UNC13C: variants seen among roughly 807,000 people sequenced by gnomAD.
UNC13C encodes the protein protein unc-13 homolog C.
A neutral mutation model predicts 245.4 loss-of-function variants in UNC13C; 174 were observed. The observed-to-expected ratio is 0.71, with a 90% CI of 0.63 to 0.80. The LOEUF is 0.80. Among genes scored for constraint, UNC13C ranks in the 30% least tolerant of loss-of-function variants. The pLI is 0.00. For synonymous variants in UNC13C, 992 were observed against 895.1 expected (o/e 1.11, Z -1.93); for missense variants, 2,829 against 2,602.9 (o/e 1.09, Z -1.89).
At chr15:54,390,899 TTATGATAG>T (rs770933957) in intron 17 of UNC13C, among the ~76,000 whole-genome samples, 1 of 142,520 alleles carries the variant, frequency 7.0e-6, no homozygotes, top group Non-Finnish European at 1.6e-5. Flanking sequence ...AAAGCCTGGT[TTATGATAG>T]TATTGTGTGC....
intron 17 of UNC13C, among the ~76,000 whole-genome samples, chr15:54,362,435 A>G (rs1471757751): frequency 6.6e-6 from 1 of 152,180 alleles, no homozygotes; most frequent in Non-Finnish European, 1.5e-5. Flanking sequence ...TGTAGGCCCA[A>G]GAGATTTCTT....
chr15:53,919,962 A>G, the UNC13C span, among the ~76,000 whole-genome samples: 2 of 151,882 alleles, frequency 1.3e-5, no homozygotes, highest in East Asian at 3.9e-4. Flanking sequence ...TTTCCTATCC[A>G]TGTTTTTTTT....
rs183573934 is a variant in UNC13C, at chr15:54,178,533, C to A, written c.3071+34849C>A. ...TTTAATAAGTAGTTCCTAGAAACAG[C>A]TGTGGAAACGAAAAGGATTAAATAA... On this transcript the variant is annotated intron_variant, in intron 4 of 32. Transcript: ENST00000260323. Among the ~76,000 whole-genome samples the A allele has an allele frequency of 5.7e-4, 86 of 152,172 alleles. 1 individual carries two copies. The highest frequency in any genetic ancestry group is 2.1e-3 in the African/African-American group (86 of 41,518).
chr15:54,341,526 G>C (rs1451002265), intron 17 of UNC13C, among the ~76,000 whole-genome samples: 1 of 152,072 alleles, frequency 6.6e-6, no homozygotes, highest in Non-Finnish European at 1.5e-5. Context: ...GCATCACACA[G>C]TCTGTTCAGG....
chr15:54,597,295 C>G (rs530443658), intron 30 of UNC13C, among the ~76,000 whole-genome samples: 11 of 152,220 alleles, frequency 7.2e-5, no homozygotes, highest in Admixed American at 5.2e-4. Flanking sequence ...GACCACTGCT[C>G]AGGAAGGTAA....
intron 4 of UNC13C, among the ~76,000 whole-genome samples, chr15:54,160,549 T>C (rs2032932015): frequency 6.6e-6 from 1 of 151,958 alleles, no homozygotes; most frequent in Non-Finnish European, 1.5e-5. Context: ...TCTTTTTTGA[T>C]TTAGAAATAG....
chr15:54,141,671 A>T (rs540772626), intron 2 of UNC13C, among the ~76,000 whole-genome samples: 30 of 152,136 alleles, frequency 2.0e-4, no homozygotes, highest in Non-Finnish European at 3.5e-4. Context: ...CTTTGGGTAC[A>T]ATTTTCTTGA....
the UNC13C span, among the ~76,000 whole-genome samples, chr15:53,846,820 A>G: frequency 6.6e-6 from 1 of 152,160 alleles, no homozygotes; most frequent in Non-Finnish European, 1.5e-5. Flanking sequence ...TTTAGGTAGA[A>G]GCTTTAGTTA....
chr15:54,112,637 T>C (rs984564018), intron 2 of UNC13C, among the ~76,000 whole-genome samples: 1 of 152,230 alleles, frequency 6.6e-6, no homozygotes, highest in African/African-American at 2.4e-5. Flanking sequence ...AGCTTCCAGC[T>C]TGCTTATCTA....
intron 19 of UNC13C, among the ~76,000 whole-genome samples, chr15:54,443,318 C>T (rs780525522): frequency 2.4e-4 from 36 of 151,940 alleles, no homozygotes; most frequent in Non-Finnish European, 4.7e-4. Context: ...CTTGGTTCAT[C>T]AAGCTAATGG....
intron 29 of UNC13C, among the ~76,000 whole-genome samples, chr15:54,563,641 A>G (rs565513585): frequency 6.6e-6 from 1 of 152,136 alleles, no homozygotes; most frequent in African/African-American, 2.4e-5. Context: ...TTTAAACCCC[A>G]CATTTACAAA....
chr15:54,278,667 A>G (rs2036897719), intron 10 of UNC13C, among the ~76,000 whole-genome samples: 1 of 152,112 alleles, frequency 6.6e-6, no homozygotes. Flanking sequence ...TAAATGTAAT[A>G]TCTTTCTTAT....
At chr15:54,476,648 G>A (rs1378011073) in intron 19 of UNC13C, among the ~76,000 whole-genome samples, 1 of 151,754 alleles carries the variant, frequency 6.6e-6, no homozygotes, top group Non-Finnish European at 1.5e-5. Context: ...TGAGGGCTCT[G>A]TTCTGTTCCA....
upstream of UNC13C, among the ~76,000 whole-genome samples, chr15:53,975,583 T>G (rs1415607985): frequency 1.3e-5 from 2 of 152,222 alleles, no homozygotes; most frequent in Non-Finnish European, 2.9e-5. Context: ...CTCTATTGCT[T>G]AAAGCCAGAT....
At chr15:54,226,733 G>T (rs923009016) in intron 4 of UNC13C, among the ~76,000 whole-genome samples, 30 of 152,202 alleles carry the variant, frequency 2.0e-4, no homozygotes, top group African/African-American at 7.0e-4. Flanking sequence ...CCAGGCACCA[G>T]CACACATGTT....
At chr15:54,545,022 G>C (rs1896422649) in intron 26 of UNC13C, among the ~76,000 whole-genome samples, 1 of 152,126 alleles carries the variant, frequency 6.6e-6, no homozygotes, top group African/African-American at 2.4e-5. Flanking sequence ...ACAGCTGGAG[G>C]CATCATGCTA....
At chr15:54,036,560 C>A (rs17664583) in intron 2 of UNC13C, among the ~76,000 whole-genome samples, 1 of 152,168 alleles carries the variant, frequency 6.6e-6, no homozygotes, top group Non-Finnish European at 1.5e-5. Flanking sequence ...ATTCACTCAG[C>A]TTTGATTTCC....
chr15:54,174,381 C>A (rs1372714567), intron 4 of UNC13C, among the ~76,000 whole-genome samples: 1 of 152,090 alleles, frequency 6.6e-6, no homozygotes, highest in Admixed American at 6.5e-5. Context: ...AGTGAGCTGG[C>A]TTATTTGCGT....
chr15:54,466,086 C>G (rs954328869), intron 19 of UNC13C, among the ~76,000 whole-genome samples: 4 of 151,890 alleles, frequency 2.6e-5, no homozygotes, highest in Middle Eastern at 3.2e-3. Context: ...ATAAACTAAG[C>G]ACAGAGAGTC....
Sources: gnomAD v4.1 joint callset for allele counts (sites outside exome capture counted in the v4.1 genomes callset) on GRCh38, gnomAD v4.1.1 for gene constraint, MANE v1.5 for transcripts, NCBI Gene and HGNC (gene_info 2026-07-23, HGNC 2026-07-21) for gene names.